The following FRAS1 variants were observed in gnomAD, a reference collection of about 807,000 sequenced individuals.
The protein encoded by FRAS1 is extracellular matrix organizing protein FRAS1.
In FRAS1, 290 loss-of-function variants were observed where a neutral mutation model predicts 435.2. The ratio of observed to expected loss-of-function variants is 0.67; its 90% confidence interval spans 0.61 to 0.73. The LOEUF (loss-of-function observed/expected upper bound fraction) is 0.73, where lower values mean the gene tolerates loss of function less well. Among genes scored for constraint, FRAS1 ranks in the 30% least tolerant of loss-of-function variants. The pLI, the probability that FRAS1 is intolerant of heterozygous loss-of-function variation, is 0.00. For missense variants in FRAS1, 4,860 were observed against 5,001.5 expected (o/e 0.97, Z 0.85); for synonymous variants, 1,800 against 1,851.0 (o/e 0.97, Z 0.71).
chr4:78,503,786 A>G (rs971325914), intron 61 of FRAS1, among the ~76,000 whole-genome samples: 3 of 152,138 alleles, frequency 2.0e-5, no homozygotes, highest in Non-Finnish European at 2.9e-5. Flanking sequence ...TTGCTTCTCT[A>G]ATCCTTTTAA....
rs906399992 is a variant in FRAS1, at chr4:78,180,860, A to C, written c.109-56650A>C. On this transcript the variant is annotated intron_variant, in intron 2 of 73. Coordinates refer to ENST00000512123, the MANE Select transcript of FRAS1 (RefSeq NM_025074.7). ...GAAGGAACCAGGGTTGTCTTATGGC[A>C]TCCAGTTAAGCCAGAACTGGGAATG... 5.7e-6 allele frequency: 9 copies of C among 1,582,664 alleles called. No homozygotes were observed. The Admixed American group carries it at 1.3e-4, about 24-fold the overall frequency.
At chr4:78,521,655 T>C (rs200879975) in intron 68 of FRAS1, 25 bp downstream of exon 68, 5 of 1,167,470 alleles carry the variant, frequency 4.3e-6, no homozygotes, top group Non-Finnish European at 5.0e-6. Context: ...GTTTTTTTTT[T>C]CCAACTTTTT....
chr4:78,476,862 G>GT (rs1195612095), intron 54 of FRAS1, among the ~76,000 whole-genome samples: 2 of 151,950 alleles, frequency 1.3e-5, no homozygotes, highest in Admixed American at 1.3e-4. Flanking sequence ...ATTTATGTCT[G>GT]TTTTTTGTAC....
At chr4:78,459,823 T>C (rs547528987) in intron 47 of FRAS1, among the ~76,000 whole-genome samples, 3 of 152,336 alleles carry the variant, frequency 2.0e-5, no homozygotes, top group Admixed American at 2.0e-4. Flanking sequence ...ATGGCCATCT[T>C]CTTGTTCATG....
intron 41 of FRAS1, among the ~76,000 whole-genome samples, chr4:78,443,646 A>C (rs1343951362): frequency 2.6e-5 from 4 of 152,242 alleles, no homozygotes; most frequent in Non-Finnish European, 5.9e-5. Flanking sequence ...TAATTTGCAC[A>C]TCATATGTTC....
At chr4:78,334,204 A>C (rs919082830) in intron 19 of FRAS1, among the ~76,000 whole-genome samples, 2 of 152,142 alleles carry the variant, frequency 1.3e-5, no homozygotes, top group African/African-American at 4.8e-5. Context: ...TTTGGGGATA[A>C]AGATAACTGA....
chr4:78,532,171 G>A (rs1721735850), intron 70 of FRAS1, among the ~76,000 whole-genome samples: 1 of 152,164 alleles, frequency 6.6e-6, no homozygotes, highest in Non-Finnish European at 1.5e-5. Context: ...TTACCTCTGT[G>A]ATCTTATCTC....
At chr4:78,368,471 A>G (rs1035124316) in intron 22 of FRAS1, among the ~76,000 whole-genome samples, 1 of 150,216 alleles carries the variant, frequency 6.7e-6, no homozygotes, top group African/African-American at 2.5e-5. Context: ...TGAGACAGAA[A>G]TGCTGGTGCT....
chr4:78,487,852 T>G (rs1304439386), intron 58 of FRAS1, among the ~76,000 whole-genome samples: 1 of 152,184 alleles, frequency 6.6e-6, no homozygotes, highest in Non-Finnish European at 1.5e-5. Flanking sequence ...CTAAGTAACT[T>G]GCCCTGTGTC....
rs905362887 is a variant in FRAS1, at chr4:78,380,001, C to T, written c.3563+5C>T. The T allele has an allele frequency of 1.2e-6, 2 of 1,610,874 alleles. No homozygotes were observed. The highest frequency in any genetic ancestry group is 1.7e-6 in the Non-Finnish European group (2 of 1,178,804). ...GCACAGCAAAGAAAAACTCAGGTGA[C>T]TCTGTGTTCTGTTGTTTTCTTCCTG... On this transcript the variant is annotated splice_donor_5th_base_variant and intron_variant, in intron 27 of 73. Transcript: ENST00000512123.
intron 38 of FRAS1, among the ~76,000 whole-genome samples, chr4:78,435,498 G>A (rs1734383768): frequency 6.6e-6 from 1 of 152,070 alleles, no homozygotes; most frequent in Non-Finnish European, 1.5e-5. Flanking sequence ...CAGCACTTTG[G>A]GAGGACGAGG....
chr4:78,508,644 A>T, intron 62 of FRAS1, 87 bp from the exon 63 acceptor site: 1 of 1,376,130 alleles, frequency 7.3e-7, no homozygotes. Context: ...ACACTAAGAG[A>T]TCTTGTGGAT....
intron 2 of FRAS1, among the ~76,000 whole-genome samples, chr4:78,124,558 C>T (rs1040783008): frequency 1.3e-5 from 2 of 152,140 alleles, no homozygotes; most frequent in Admixed American, 1.3e-4. Flanking sequence ...GTACTAGCTC[C>T]TCTTTGTACC....
At chr4:78,398,751 G>A (rs538450645) in intron 29 of FRAS1, among the ~76,000 whole-genome samples, 24 of 152,298 alleles carry the variant, frequency 1.6e-4, no homozygotes, top group East Asian at 9.6e-4. Context: ...TTGGGAGGCC[G>A]AGGCAGGCAG....
chr4:78,280,631 G>A (rs1383012323), intron 10 of FRAS1, among the ~76,000 whole-genome samples: 1 of 147,032 alleles, frequency 6.8e-6, no homozygotes, highest in East Asian at 2.0e-4. Flanking sequence ...ACCTTCCAGT[G>A]TTTCTGTACA....
chr4:78,328,061 A>C (rs1021556819), intron 18 of FRAS1, among the ~76,000 whole-genome samples: 1 of 152,178 alleles, frequency 6.6e-6, no homozygotes, highest in Non-Finnish European at 1.5e-5. Context: ...TGTCATGGCA[A>C]CGTTCATTGA....
intron 20 of FRAS1, among the ~76,000 whole-genome samples, chr4:78,343,740 G>A (rs1461893681): frequency 6.6e-6 from 1 of 152,116 alleles, no homozygotes; most frequent in Non-Finnish European, 1.5e-5. Flanking sequence ...ATAACAGGGG[G>A]GAAAACCCAG....
chr4:78,339,531 G>C (rs1730318818), intron 20 of FRAS1, among the ~76,000 whole-genome samples: 2 of 152,178 alleles, frequency 1.3e-5, no homozygotes, highest in African/African-American at 2.4e-5. Context: ...CGGGGGGGTG[G>C]AACCCAAAAT....
intron 29 of FRAS1, among the ~76,000 whole-genome samples, chr4:78,388,331 CAA>C (rs71661163): frequency 7.5e-5 from 7 of 93,208 alleles, no homozygotes; most frequent in Admixed American, 1.2e-4. Context: ...TCTCAAAAAC[CAA>C]AAAAAAAAAA....
Sources: allele counts gnomAD v4.1 joint callset (sites outside exome capture counted in the v4.1 genomes callset), GRCh38; gene constraint gnomAD v4.1.1; transcripts MANE v1.5; gene names NCBI Gene and HGNC (gene_info 2026-07-23, HGNC 2026-07-21).